UPRT: variants seen among roughly 807,000 people sequenced by gnomAD.
UPRT encodes the protein RP11-311P8.3.
In UPRT, 5 loss-of-function variants were observed where a neutral mutation model predicts 22.6. That is an observed-to-expected ratio of 0.22 (90% CI 0.12 to 0.47). The LOEUF is 0.47. Among genes scored for constraint, UPRT ranks in the 20% least tolerant of loss-of-function variants. The pLI is 0.99. For missense variants in UPRT, 181 were observed against 239.9 expected (o/e 0.75, Z 1.62); for synonymous variants, 77 against 87.7 (o/e 0.88, Z 0.68).
Position 75,283,261 on chromosome X carries a change from G to A in UPRT, c.386+8621G>A, listed in dbSNP as rs368244137. Among the ~76,000 whole-genome samples, 38 of 111,501 alleles carry A rather than the reference G, an allele frequency of 3.4e-4. 1 individual carries two copies. The South Asian group carries it at 0.014, about 42-fold the overall frequency. On this transcript the variant is annotated intron_variant, in intron 1 of 6. Coordinates refer to ENST00000373383, the MANE Select transcript of UPRT (RefSeq NM_145052.4). Reference sequence around the variant, plus strand: ...TTGTATCTTTTAAGTGGAGCATTTAGGCCATTTACATTCAATGTTAGTATT... The same window carrying A: ...TTGTATCTTTTAAGTGGAGCATTTAAGCCATTTACATTCAATGTTAGTATT...
intron 2 of UPRT, among the ~76,000 whole-genome samples, chrX:75,161,373 A>T (rs1247819898): frequency 1.8e-5 from 2 of 112,907 alleles, no homozygotes; most frequent in African/African-American, 6.4e-5. Context: ...GGTTTTAATA[A>T]TAGTTGTTTG....
At chrX:75,186,579 T>C (rs1382500259) in intron 4 of UPRT, among the ~76,000 whole-genome samples, 2 of 111,654 alleles carry the variant, frequency 1.8e-5, no homozygotes, top group Non-Finnish European at 3.8e-5. Context: ...GGTATCCTTG[T>C]TGACTTTCTG....
At chrX:75,236,039 C>A (rs2082461969) in intron 4 of UPRT, among the ~76,000 whole-genome samples, 1 of 110,826 alleles carries the variant, frequency 9.0e-6, no homozygotes. Flanking sequence ...GATTGTATAT[C>A]TAGTAAACCC....
At chrX:75,251,669 A>G (rs1234691038) in intron 4 of UPRT, among the ~76,000 whole-genome samples, 1 of 111,751 alleles carries the variant, frequency 8.9e-6, no homozygotes, top group Non-Finnish European at 1.9e-5. Flanking sequence ...TGCCATCCCC[A>G]TTAAGCTACC....
intron 4 of UPRT, among the ~76,000 whole-genome samples, chrX:75,267,983 C>T (rs773191318): frequency 2.9e-3 from 321 of 110,383 alleles, no homozygotes; most frequent in Admixed American, 5.1e-3. Context: ...GCTGGTTTTT[C>T]GAAAAGATCA....
At chrX:75,187,779 T>A (rs1186432623) in intron 4 of UPRT, among the ~76,000 whole-genome samples, 2 of 112,088 alleles carry the variant, frequency 1.8e-5, no homozygotes, top group African/African-American at 6.5e-5. Flanking sequence ...CATTTCATCT[T>A]CCATTGCTGA....
At chrX:75,244,198 G>C (rs2082496777) in intron 4 of UPRT, among the ~76,000 whole-genome samples, 1 of 111,649 alleles carries the variant, frequency 9.0e-6, no homozygotes, top group Non-Finnish European at 1.9e-5. Context: ...ATGGAAAACA[G>C]AGAGCCAGAC....
chrX:75,159,033 C>T (rs1360399294), intron 1 of UPRT, among the ~76,000 whole-genome samples: 1 of 111,806 alleles, frequency 8.9e-6, no homozygotes, highest in East Asian at 2.8e-4. Flanking sequence ...TAGTCACCTG[C>T]CCTACTGTAC....
chrX:75,224,460 C>G (rs2082418214), intron 4 of UPRT, among the ~76,000 whole-genome samples: 1 of 109,978 alleles, frequency 9.1e-6, no homozygotes, highest in African/African-American at 3.3e-5. Context: ...TCTCCCTTCC[C>G]TCCTCCTTAC....
At chrX:75,224,042 A>T (rs1181870621) in intron 4 of UPRT, among the ~76,000 whole-genome samples, 1 of 110,680 alleles carries the variant, frequency 9.0e-6, no homozygotes, top group Non-Finnish European at 1.9e-5. Context: ...TCCTACAGTG[A>T]TTTTTTTTAT....
chrX:75,196,118 A>G (rs745665828), intron 4 of UPRT, among the ~76,000 whole-genome samples: 1 of 112,344 alleles, frequency 8.9e-6, no homozygotes, highest in Non-Finnish European at 1.9e-5. Flanking sequence ...TACCAGCTTA[A>G]CAATGTTAAT....
chrX:75,298,840 A>G (rs2082734976), intron 4 of UPRT, among the ~76,000 whole-genome samples: 2 of 112,059 alleles, frequency 1.8e-5, no homozygotes, highest in South Asian at 7.4e-4. Context: ...AGGCACAAGC[A>G]TGGTCCTTGT....
rs749411008 is a variant in UPRT at position 75,296,365 on chromosome X, A to T, written c.453A>T (p.Gly151=). 13 of 1,208,741 alleles carry T rather than the reference A, an allele frequency of 1.1e-5. No homozygotes were observed. Among genetic ancestry groups the T allele is most frequent in the Non-Finnish European group, 1.3e-5 (12 of 894,594 alleles). Residue 151 remains glycine, a synonymous_variant, in exon 3 of 7, where the codon GGA becomes GGT. Transcript: ENST00000373383. ...DRLIRLVVEE[G]LNQLPYKECM... The stretch of plus-strand genomic sequence containing the variant: ...AGATCAGACTTGTTGTGGAAGAGGG[A>T]TTGAATCAGCTGCCATATAAAGAAT...
chrX:75,264,886 A>G (rs980942274), intron 4 of UPRT, among the ~76,000 whole-genome samples: 1 of 111,715 alleles, frequency 9.0e-6, no homozygotes, highest in Non-Finnish European at 1.9e-5. Flanking sequence ...GTGGTGACAA[A>G]ATCTCTCGGC....
chrX:75,193,220 A>T (rs917958899), intron 4 of UPRT, among the ~76,000 whole-genome samples: 11 of 111,265 alleles, frequency 9.9e-5, no homozygotes, highest in African/African-American at 3.6e-4. Context: ...TCTTTCACTT[A>T]TGAAGCTTAG....
chrX:75,173,045 G>A (rs967334856), intron 4 of UPRT, among the ~76,000 whole-genome samples: 2 of 111,414 alleles, frequency 1.8e-5, no homozygotes, highest in Admixed American at 9.5e-5. Context: ...TTGACAGGGC[G>A]CTGATTGGGG....
At chrX:75,169,139 A>T in intron 4 of UPRT, among the ~76,000 whole-genome samples, 1 of 112,240 alleles carries the variant, frequency 8.9e-6, no homozygotes, top group Non-Finnish European at 1.9e-5. Flanking sequence ...GTAGTATTCC[A>T]CAGTGTATAT....
At position 75,236,077 on chromosome X, in the gene UPRT, G is replaced by C. The variant is rs1279789946; in HGVS notation, c.-446-54947G>C. Among the ~76,000 whole-genome samples the C allele has an allele frequency of 2.7e-5, 3 of 111,258 alleles. No homozygotes were observed. In the Admixed American group the frequency reaches 2.9e-4, roughly 11 times the overall value. On this transcript the variant is annotated intron_variant, in intron 4 of 13. Coordinates refer to the UPRT transcript ENST00000652605. Reference sequence around the variant, plus strand: ...TTGTCTGAGCCCAAAATCTCCTTAAGCTGATAAGCAACTTCAGCAATGTCT... The same window carrying C: ...TTGTCTGAGCCCAAAATCTCCTTAACCTGATAAGCAACTTCAGCAATGTCT...
chrX:75,241,826 A>G (rs772465461), intron 4 of UPRT, among the ~76,000 whole-genome samples: 1 of 111,470 alleles, frequency 9.0e-6, no homozygotes, highest in African/African-American at 3.2e-5. Flanking sequence ...AGGAATGGAA[A>G]TCCAAACATC....
Sources: allele counts gnomAD v4.1 joint callset (sites outside exome capture counted in the v4.1 genomes callset), GRCh38; gene constraint gnomAD v4.1.1; transcripts MANE v1.5; gene names NCBI Gene and HGNC (gene_info 2026-07-23, HGNC 2026-07-21).